MAP3K20: variants seen among roughly 807,000 people sequenced by gnomAD.
MAP3K20 encodes mitogen-activated protein kinase kinase kinase 20, also known as HCCS-4.
Under a neutral mutation model 85.7 loss-of-function variants are expected in MAP3K20, and 40 were observed. The ratio of observed to expected loss-of-function variants is 0.47; its 90% CI spans 0.36 to 0.61. The LOEUF is 0.61. MAP3K20 is among the 20% of genes least tolerant of loss of function. The pLI is 0.00. For synonymous variants in MAP3K20, 325 were observed against 327.7 expected, an observed-to-expected ratio of 0.99 and a Z score of 0.09; for missense variants, 817 against 961.7, an observed-to-expected ratio of 0.85 and a Z score of 1.99.
At chr2:173,167,452 C>G (rs1689866940) in intron 2 of MAP3K20, among the ~76,000 whole-genome samples, 1 of 151,934 alleles carries the variant, frequency 6.6e-6, no homozygotes, top group Non-Finnish European at 1.5e-5. Flanking sequence ...TACTGTTGGC[C>G]CATTTCCATG....
Position 173,266,257 on chromosome 2 carries a change from C to T in MAP3K20, c.1910C>T (p.Ser637Phe), listed in dbSNP as rs749790882. The T allele has an allele frequency of 1.9e-6, 3 of 1,614,134 alleles. No individual in the cohort carries two copies. The highest frequency in any genetic ancestry group is 2.2e-5 in the South Asian group (2 of 91,064). Residue 637 changes from serine to phenylalanine, a missense_variant, in exon 20 of 20, where the codon TCT (serine) becomes TTT (phenylalanine). Physicochemically the swap from Ser to Phe is radical, Grantham distance 155. This residue lies in a region of MAP3K20 where 454 missense variants were observed against 476.9 expected (regional missense o/e 0.95). Transcript: ENST00000375213. ...ITPVNQSRSSSPTQYGLTKNF... is the reference protein window; with the variant it reads ...ITPVNQSRSSFPTQYGLTKNF... ...CCTGTGAACCAGTCCAGAAGCTCGT[C>T]TCCTACTCAGTATGGACTGACCAAA... is the stretch of plus-strand genomic sequence containing the variant.
intron 16 of MAP3K20, among the ~76,000 whole-genome samples, chr2:173,251,218 A>G (rs908015682): frequency 1.3e-5 from 2 of 152,160 alleles, no homozygotes; most frequent in African/African-American, 4.8e-5. Flanking sequence ...TGAATCTTAA[A>G]AAGTTTATTC....
intron 2 of MAP3K20, among the ~76,000 whole-genome samples, chr2:173,168,951 A>G (rs1689920176): frequency 6.6e-6 from 1 of 152,184 alleles, no homozygotes. Context: ...CTAATATTTA[A>G]CACGTTTCAA....
At chr2:173,263,966 T>G in intron 19 of MAP3K20, 71 bp downstream of exon 19, 1 of 1,538,212 alleles carries the variant, frequency 6.5e-7, no homozygotes, top group Non-Finnish European at 8.7e-7. Flanking sequence ...CCAGATGATC[T>G]AAAGACTCAG....
At chr2:173,150,600 C>A (rs1174286767) in intron 2 of MAP3K20, among the ~76,000 whole-genome samples, 1 of 152,130 alleles carries the variant, frequency 6.6e-6, no homozygotes, top group African/African-American at 2.4e-5. Flanking sequence ...AAAGTCTTGT[C>A]CTGTCACCCA....
chr2:173,252,072 T>G (rs578227843), intron 16 of MAP3K20, among the ~76,000 whole-genome samples: 1 of 152,374 alleles, frequency 6.6e-6, no homozygotes, highest in East Asian at 1.9e-4. Flanking sequence ...TAATCTCTTT[T>G]CCTCTTTGGA....
At chr2:173,082,434 CTCAGGGAGTAT>C (rs1217415240) in intron 1 of MAP3K20, among the ~76,000 whole-genome samples, 1 of 152,200 alleles carries the variant, frequency 6.6e-6, no homozygotes, top group African/African-American at 2.4e-5. Flanking sequence ...ATTCACCCTT[CTCAGGGAGTAT>C]TCATTCCAGG....
At chr2:173,243,800 T>A (rs1033678279) in intron 16 of MAP3K20, among the ~76,000 whole-genome samples, 58 of 152,258 alleles carry the variant, frequency 3.8e-4, no homozygotes, top group Middle Eastern at 6.8e-3. Flanking sequence ...ATTTTTGGTA[T>A]TTTTAGTAGA....
chr2:173,122,135 G>A (rs746022930), intron 2 of MAP3K20, among the ~76,000 whole-genome samples: 1 of 152,136 alleles, frequency 6.6e-6, no homozygotes, highest in African/African-American at 2.4e-5. Context: ...GCAATCACCC[G>A]TGAATTAATG....
chr2:173,219,880 A>G (rs189658536), intron 11 of MAP3K20, among the ~76,000 whole-genome samples: 43 of 152,222 alleles, frequency 2.8e-4, no homozygotes, highest in Non-Finnish European at 4.6e-4. Context: ...CAGCCTGGAC[A>G]GCATAGTGAA....
At chr2:173,133,424 G>A (rs1164131124) in intron 2 of MAP3K20, among the ~76,000 whole-genome samples, 1 of 152,154 alleles carries the variant, frequency 6.6e-6, no homozygotes, top group African/African-American at 2.4e-5. Context: ...TTTAGAGAGT[G>A]AGAGTCATTC....
At chr2:173,206,302 T>A (rs1007230377) in intron 9 of MAP3K20, among the ~76,000 whole-genome samples, 1 of 152,250 alleles carries the variant, frequency 6.6e-6, no homozygotes, top group Non-Finnish European at 1.5e-5. Context: ...GCAGCTGGCA[T>A]GTCTTTAAAT....
intron 10 of MAP3K20, among the ~76,000 whole-genome samples, chr2:173,213,692 C>G (rs1032485276): frequency 2.6e-5 from 4 of 152,150 alleles, no homozygotes; most frequent in African/African-American, 9.7e-5. Context: ...ACAGGCCTGC[C>G]CTTGCACCCA....
intron 16 of MAP3K20, among the ~76,000 whole-genome samples, chr2:173,241,364 G>A (rs923040616): frequency 6.6e-6 from 1 of 152,174 alleles, no homozygotes; most frequent in Non-Finnish European, 1.5e-5. Flanking sequence ...TGTAGTCCCA[G>A]CACTTTGGGA....
rs370251879 is a variant in MAP3K20, at chr2:173,254,576, A to G, written c.1360-4123A>G. 5.3e-4 allele frequency among the ~76,000 whole-genome samples: 81 copies of G among 152,210 alleles called. 1 individual carries two copies. The South Asian group carries it at 7.0e-3, about 13-fold the overall frequency. ...ACTTGTGGAATTGTTATTTTTAGTG[A>G]TATTATTGATGACTTAATTCATTTT... On this transcript the variant is annotated intron_variant, in intron 16 of 19. Transcript: ENST00000375213.
intron 16 of MAP3K20, among the ~76,000 whole-genome samples, chr2:173,254,433 CAAAAAAA>C (rs755879153): frequency 1.5e-5 from 1 of 65,998 alleles, no homozygotes; most frequent in Non-Finnish European, 3.4e-5. Flanking sequence ...GACTTCGTCT[CAAAAAAA>C]AAAAAAAAAA....
At chr2:173,204,346 G>A (rs1683593825) in intron 9 of MAP3K20, among the ~76,000 whole-genome samples, 1 of 152,198 alleles carries the variant, frequency 6.6e-6, no homozygotes, top group Admixed American at 6.5e-5. Context: ...ACAGCTAGTA[G>A]GTAGTAGGGC....
chr2:173,100,085 A>G (rs1687593926), intron 2 of MAP3K20, among the ~76,000 whole-genome samples: 1 of 152,218 alleles, frequency 6.6e-6, no homozygotes, highest in Non-Finnish European at 1.5e-5. Context: ...CCACATATAC[A>G]GTTAGCAGCA....
chr2:173,103,696 A>G (rs1428376689), intron 2 of MAP3K20, among the ~76,000 whole-genome samples: 3 of 152,214 alleles, frequency 2.0e-5, no homozygotes, highest in African/African-American at 7.2e-5. Context: ...TAACACTTCC[A>G]GTTTTATCTT....
Sources: allele counts gnomAD v4.1 joint callset (sites outside exome capture counted in the v4.1 genomes callset), GRCh38; gene constraint gnomAD v4.1.1; regional missense constraint gnomAD v4.1.1; transcripts MANE v1.5; gene names NCBI Gene and HGNC (gene_info 2026-07-23, HGNC 2026-07-21).